CSMD3: variants seen among roughly 807,000 people sequenced by gnomAD.
CSMD3 encodes the protein CUB and sushi domain-containing protein 3.
In CSMD3, 177 loss-of-function variants were observed where a neutral mutation model predicts 435.2. That is an observed-to-expected ratio of 0.41 (90% CI 0.36 to 0.46). The LOEUF (loss-of-function observed/expected upper bound fraction) is 0.46. CSMD3 is among the 20% of genes least tolerant of loss of function. The pLI, the probability that CSMD3 is intolerant of heterozygous loss-of-function variation, is 0.34. For missense variants in CSMD3, 4,265 were observed against 4,504.6 expected, an observed-to-expected ratio of 0.95 and a Z score of 1.52; for synonymous variants, 1,656 against 1,520.5, an observed-to-expected ratio of 1.09 and a Z score of -2.07.
intron 14 of CSMD3, among the ~76,000 whole-genome samples, chr8:112,687,650 G>C (rs897697793): frequency 3.3e-5 from 5 of 151,786 alleles, no homozygotes; most frequent in Non-Finnish European, 5.9e-5. Flanking sequence ...TTTGTACTTT[G>C]AATCTATTTA....
intron 35 of CSMD3, among the ~76,000 whole-genome samples, chr8:112,400,416 C>G (rs1831221535): frequency 6.6e-6 from 1 of 152,062 alleles, no homozygotes; most frequent in Admixed American, 6.6e-5. Flanking sequence ...TTGGGGAAAA[C>G]AAATATTTAA....
In CSMD3 at chr8:112,800,401, G is replaced by A. The variant is rs542178526; in HGVS notation, c.1860-127C>T. On this transcript the variant is annotated intron_variant, in intron 12 of 70. Transcript: ENST00000297405. ...AAAAAAGTCAGATAAACATAGAGGA[G>A]TATGTGTTGATGTGACAGAAGAAAA... 2.0e-4 allele frequency: 141 copies of A among 714,964 alleles called. 3 individuals carry two copies. In the South Asian group the frequency reaches 2.0e-3, roughly 10 times the overall value. 44.3% of individuals were successfully genotyped at this position (714,964 alleles called of 1,614,324 possible). A position where few individuals can be genotyped will look rare whatever the true frequency, so the allele number is the denominator to read the frequency against.
chr8:113,075,189 A>G (rs956218398), intron 5 of CSMD3, among the ~76,000 whole-genome samples: 2 of 151,750 alleles, frequency 1.3e-5, no homozygotes, highest in African/African-American at 4.8e-5. Flanking sequence ...AAAAATAGAA[A>G]TCTCGTATTA....
intron 30 of CSMD3, among the ~76,000 whole-genome samples, chr8:112,501,503 T>C (rs1053747511): frequency 6.6e-6 from 1 of 152,178 alleles, no homozygotes; most frequent in African/African-American, 2.4e-5. Context: ...AGATATCATT[T>C]AATACAATTA....
intron 32 of CSMD3, among the ~76,000 whole-genome samples, chr8:112,433,665 A>AAAAAG: frequency 6.6e-6 from 1 of 150,534 alleles, no homozygotes; most frequent in African/African-American, 2.4e-5. Flanking sequence ...AAAAAAAAAA[A>AAAAAG]AAAAAAAGAA....
At chr8:113,210,801 C>A (rs2092825721) in intron 3 of CSMD3, among the ~76,000 whole-genome samples, 1 of 151,752 alleles carries the variant, frequency 6.6e-6, no homozygotes, top group South Asian at 2.1e-4. Context: ...CACTTGGACC[C>A]AGGAGACAGC....
chr8:113,180,898 A>G (rs972155465), intron 3 of CSMD3, among the ~76,000 whole-genome samples: 3 of 151,918 alleles, frequency 2.0e-5, no homozygotes, highest in African/African-American at 7.2e-5. Flanking sequence ...CATGTCACAG[A>G]CCTCACTGGG....
In CSMD3 at chr8:112,405,211, C is replaced by CAAA. The variant is rs1563904114; in HGVS notation, c.5809+1312_5809+1313insTTT. Among the ~76,000 whole-genome samples, 3 of 18,114 alleles carry CAAA rather than the reference C, an allele frequency of 1.7e-4. 1 individual carries two copies. The highest frequency in any genetic ancestry group is 2.7e-4 in the Non-Finnish European group (3 of 11,286). 11.9% of individuals were successfully genotyped at this position (18,114 alleles called of 152,430 possible). On this transcript the variant is annotated intron_variant, in intron 35 of 70. Coordinates refer to ENST00000297405, the MANE Select transcript of CSMD3 (RefSeq NM_198123.2). ...AAAAAAAAAAAAAAAAAAAAAAAACCCCCATATATATATATATATATATAT... is the reference window on the plus strand; with the variant it reads ...AAAAAAAAAAAAAAAAAAAAAAAACCAAACCCATATATATATATATATATATAT...
chr8:112,473,573 G>T (rs16883689), intron 31 of CSMD3, among the ~76,000 whole-genome samples: 2 of 151,912 alleles, frequency 1.3e-5, no homozygotes, highest in African/African-American at 4.8e-5. Flanking sequence ...GGGGGTCAAG[G>T]GAGAAGAGTT....
chr8:112,293,261 A>C (rs1819955163), intron 54 of CSMD3, among the ~76,000 whole-genome samples: 1 of 152,078 alleles, frequency 6.6e-6, no homozygotes, highest in Non-Finnish European at 1.5e-5. Flanking sequence ...TGCACTCCAG[A>C]CTAGATGACA....
intron 2 of CSMD3, among the ~76,000 whole-genome samples, chr8:113,297,995 G>A (rs1588464138): frequency 6.6e-6 from 1 of 151,998 alleles, no homozygotes; most frequent in Middle Eastern, 3.4e-3. Flanking sequence ...CAGTAAAGCT[G>A]GATATATTTA....
chr8:112,441,696 A>G (rs60165906), intron 32 of CSMD3, among the ~76,000 whole-genome samples: 8,800 of 152,274 alleles, frequency 0.058, 299 homozygotes, highest in South Asian at 0.12. Flanking sequence ...TCTTCACAAG[A>G]TAGTAAGAAG....
At chr8:113,163,453 A>C (rs548600816) in intron 4 of CSMD3, among the ~76,000 whole-genome samples, 1 of 152,158 alleles carries the variant, frequency 6.6e-6, no homozygotes, top group South Asian at 2.1e-4. Context: ...ATAACTAAAA[A>C]GTTATTAGAA....
At chr8:113,067,548 T>C (rs1471662000) in intron 5 of CSMD3, among the ~76,000 whole-genome samples, 1 of 152,072 alleles carries the variant, frequency 6.6e-6, no homozygotes, top group Admixed American at 6.5e-5. Flanking sequence ...TTGAACACAA[T>C]AGCAAAAACT....
rs148306553 is a variant in CSMD3 at position 112,537,270 on chromosome 8, G to C, written c.4564+13401C>G. Among the ~76,000 whole-genome samples, 540 of 151,778 alleles carry C rather than the reference G, an allele frequency of 3.6e-3. 1 individual carries two copies. The highest frequency in any genetic ancestry group is 0.013 in the African/African-American group (519 of 41,442). On this transcript the variant is annotated intron_variant, in intron 27 of 70. Transcript: ENST00000297405. ...ACAACAACAGCAGTACTAATTTATA[G>C]CAGGAAACACCTATACAAAGAAGTA...
chr8:112,981,922 A>G (rs1308055608), intron 6 of CSMD3, among the ~76,000 whole-genome samples: 1 of 151,806 alleles, frequency 6.6e-6, no homozygotes, highest in African/African-American at 2.4e-5. Context: ...TATATTAAAT[A>G]TTGCAGTTTT....
At chr8:112,511,389 T>C (rs4457359) in intron 28 of CSMD3, among the ~76,000 whole-genome samples, 50 of 73,564 alleles carry the variant, frequency 6.8e-4, no homozygotes, top group East Asian at 2.9e-3. Flanking sequence ...CTTTTCTTTT[T>C]TTTTTTTTTT....
intron 16 of CSMD3, among the ~76,000 whole-genome samples, chr8:112,682,222 G>C (rs1305540571): frequency 1.3e-5 from 2 of 151,708 alleles, no homozygotes; most frequent in Non-Finnish European, 2.9e-5. Flanking sequence ...TTTAATAAGA[G>C]CTTTTTTTAA....
intron 22 of CSMD3, among the ~76,000 whole-genome samples, chr8:112,605,622 G>A (rs1229138767): frequency 1.3e-5 from 2 of 148,178 alleles, no homozygotes; most frequent in Non-Finnish European, 3.0e-5. Context: ...ACAAAGTGAA[G>A]GGTGGGAGGG....
Sources: gnomAD v4.1 joint callset for allele counts (sites outside exome capture counted in the v4.1 genomes callset) on GRCh38, gnomAD v4.1.1 for gene constraint, MANE v1.5 for transcripts, NCBI Gene and HGNC (gene_info 2026-07-23, HGNC 2026-07-21) for gene names.